The following MAST4 variants were observed in gnomAD, a reference collection of about 807,000 sequenced individuals.
The protein encoded by MAST4 is microtubule associated serine/threonine kinase family member 4, also known as microtubule-associated serine/threonine-protein kinase 4.
A neutral mutation model predicts 162.7 loss-of-function variants in MAST4; 89 were observed. The ratio of observed to expected loss-of-function variants is 0.55; its 90% CI spans 0.46 to 0.65. The LOEUF is 0.65. Among genes scored for constraint, MAST4 ranks in the 30% least tolerant of loss-of-function variants. MAST4 has a pLI of 0.00. For missense variants in MAST4, 3,153 were observed against 3,374.0 expected (o/e 0.93, Z 1.62); for synonymous variants, 1,479 against 1,361.1 (o/e 1.09, Z -1.91).
At chr5:67,102,364 G>A (rs926469974) in intron 8 of MAST4, 172 bp from the exon 9 acceptor site, 22 of 672,888 alleles carry the variant, frequency 3.3e-5, no homozygotes, top group Admixed American at 6.8e-5. Context: ...TGTGTTTATG[G>A]GAATGTATGT....
At chr5:66,938,581 G>A (rs1376804959) in intron 4 of MAST4, among the ~76,000 whole-genome samples, 3 of 152,154 alleles carry the variant, frequency 2.0e-5, no homozygotes, top group African/African-American at 7.2e-5. Context: ...GGAAAACCTG[G>A]GAACAGGGCC....
At chr5:66,812,740 T>C (rs1756538861) in intron 3 of MAST4, among the ~76,000 whole-genome samples, 1 of 152,150 alleles carries the variant, frequency 6.6e-6, no homozygotes, top group South Asian at 2.1e-4. Context: ...CCTTGGTACG[T>C]AGTAATGCTG....
At chr5:67,144,345 T>A (rs1015648737) in intron 21 of MAST4, among the ~76,000 whole-genome samples, 4 of 152,068 alleles carry the variant, frequency 2.6e-5, no homozygotes, top group African/African-American at 9.7e-5. Flanking sequence ...TGTGCATTGA[T>A]CCCAAGGCCT....
chr5:67,097,621 G>C (rs930789228), intron 7 of MAST4, among the ~76,000 whole-genome samples: 1 of 152,048 alleles, frequency 6.6e-6, no homozygotes, highest in African/African-American at 2.4e-5. Flanking sequence ...ACACCCCCAA[G>C]ACCATTTTTA....
chr5:67,053,318 C>G (rs911405835), intron 4 of MAST4, among the ~76,000 whole-genome samples: 1 of 152,212 alleles, frequency 6.6e-6, no homozygotes, highest in African/African-American at 2.4e-5. Context: ...GAAATGTTAT[C>G]TCACTGTACC....
At chr5:66,714,098 T>C (rs76534931) in intron 1 of MAST4, among the ~76,000 whole-genome samples, 1 of 152,206 alleles carries the variant, frequency 6.6e-6, no homozygotes, top group Non-Finnish European at 1.5e-5. Flanking sequence ...CACATAGGTG[T>C]CTAACACCAA....
At chr5:67,007,910 A>T (rs1424322943) in intron 4 of MAST4, among the ~76,000 whole-genome samples, 1 of 152,184 alleles carries the variant, frequency 6.6e-6, no homozygotes, top group African/African-American at 2.4e-5. Context: ...TCAGGCCTAG[A>T]TTCTCAAAGA....
rs575320232 is a variant in MAST4 at position 66,715,688 on chromosome 5, TA to T, written c.364-44011del. On this transcript the variant is annotated intron_variant, in intron 1 of 28. Transcript: ENST00000403625. ...AGTATAATAATAATAAAATAAAAAT[TA>T]AAAAAAAAATTTAACCTGAAAGACT... 5.1e-4 allele frequency among the ~76,000 whole-genome samples: 46 copies of T among 90,062 alleles called. No homozygotes were observed. In the East Asian group the frequency reaches 6.5e-3, roughly 13 times the overall value. 59.1% of individuals were successfully genotyped at this position (90,062 alleles called of 152,430 possible). A position where few individuals can be genotyped will look rare whatever the true frequency, so the allele number is the denominator to read the frequency against.
chr5:67,056,548 C>G (rs1341936616), intron 5 of MAST4, among the ~76,000 whole-genome samples: 1 of 152,106 alleles, frequency 6.6e-6, no homozygotes, highest in South Asian at 2.1e-4. Context: ...AATATTGAGA[C>G]GACAGAACGT....
At position 67,166,713 on chromosome 5, in the gene MAST4, C is replaced by G. The variant is rs1489728943; in HGVS notation, c.7534C>G (p.Arg2512Gly). The G allele has an allele frequency of 6.3e-7, 1 of 1,589,384 alleles. No individual in the cohort carries two copies. The highest frequency in any genetic ancestry group is 8.6e-7 in the Non-Finnish European group (1 of 1,168,100). ...HRKAQPAGEGRTHMTKSDSLP... is the reference protein window; with the variant it reads ...HRKAQPAGEGGTHMTKSDSLP... The stretch of plus-strand genomic sequence containing the variant: ...GAAGGCTCAGCCTGCCGGGGAGGGC[C>G]GAACCCACATGACAAAGAGTGACTC... Residue 2512 changes from arginine to glycine, a missense_variant, in exon 29 of 29, where the codon CGA (arginine) becomes GGA (glycine). Around this residue, in one of 7 missense-constraint regions of MAST4, gnomAD observed 1,644 missense variants for 1,495.0 expected, o/e 1.10. Transcript: ENST00000403625.
At chr5:66,862,701 T>C (rs75781320) in intron 3 of MAST4, among the ~76,000 whole-genome samples, 299 of 152,328 alleles carry the variant, frequency 2.0e-3, no homozygotes, top group Non-Finnish European at 3.2e-3. Flanking sequence ...ATGAGCCCAA[T>C]AATTGAATTT....
intron 26 of MAST4, among the ~76,000 whole-genome samples, chr5:67,154,058 C>T (rs1214367402): frequency 2.0e-5 from 3 of 152,116 alleles, no homozygotes; most frequent in Non-Finnish European, 4.4e-5. Flanking sequence ...ATAAGTGGTA[C>T]TGAAAGAAGA....
At chr5:66,871,109 T>C (rs993499552) in intron 3 of MAST4, among the ~76,000 whole-genome samples, 6 of 148,786 alleles carry the variant, frequency 4.0e-5, no homozygotes, top group African/African-American at 1.5e-4. Flanking sequence ...GTGTAGATAC[T>C]CCCACCCTGG....
At chr5:66,650,400 A>G (rs890385306) in intron 1 of MAST4, among the ~76,000 whole-genome samples, 4 of 152,162 alleles carry the variant, frequency 2.6e-5, no homozygotes, top group African/African-American at 9.7e-5. Context: ...TCTGTGGAGT[A>G]AATACTCCCA....
At chr5:66,786,399 C>G (rs564815347) in intron 2 of MAST4, among the ~76,000 whole-genome samples, 2 of 151,628 alleles carry the variant, frequency 1.3e-5, no homozygotes, top group African/African-American at 4.8e-5. Flanking sequence ...CTGTACCTCT[C>G]AATCATGCCC....
chr5:67,164,786 C>G lies in MAST4; in HGVS notation c.5607C>G (p.Ser1869=). ...CTTCCAGCTTAAAGATGAATAAATC[C>G]TACCTGCTGGAGCCTTGGTTCCTGC... The part of the protein sequence containing the change: ...LSPSSLKMNK[S]YLLEPWFLPP... The change falls in exon 29 of 29, where the codon TCC becomes TCG. Residue 1869 remains serine, a synonymous_variant. Transcript: ENST00000403625. The surrounding 1 kb of genome is among the most constrained non-coding windows in gnomAD (Gnocchi z 5.3). 6.2e-7 allele frequency: 1 copy of G among 1,613,970 alleles called. No individual in the cohort carries two copies. The highest frequency in any genetic ancestry group is 8.5e-7 in the Non-Finnish European group (1 of 1,179,876).
chr5:66,659,362 C>T (rs1294476100), intron 1 of MAST4, among the ~76,000 whole-genome samples: 1 of 152,218 alleles, frequency 6.6e-6, no homozygotes, highest in Non-Finnish European at 1.5e-5. Context: ...GATTTCGAAT[C>T]TGTTTTCACT....
intron 1 of MAST4, among the ~76,000 whole-genome samples, chr5:66,655,809 G>A (rs1175483328): frequency 6.6e-6 from 1 of 152,192 alleles, no homozygotes; most frequent in Non-Finnish European, 1.5e-5. Context: ...TTAGTAAACA[G>A]GCCAACCTAG....
intron 3 of MAST4, among the ~76,000 whole-genome samples, chr5:66,820,346 A>G (rs924978848): frequency 1.3e-5 from 2 of 152,232 alleles, no homozygotes; most frequent in Non-Finnish European, 1.5e-5. Context: ...GTAAATATAC[A>G]TGTTAACATA....
Sources: gnomAD v4.1 joint callset for allele counts (sites outside exome capture counted in the v4.1 genomes callset) on GRCh38, gnomAD v4.1.1 for gene constraint, gnomAD v4.1.1 regional missense constraint, Gnocchi (gnomAD v3.1) non-coding constraint, MANE v1.5 for transcripts, NCBI Gene and HGNC (gene_info 2026-07-23, HGNC 2026-07-21) for gene names.